MGAT5: variants seen among roughly 807,000 people sequenced by gnomAD.
The protein encoded by MGAT5 is alpha-1,6-mannosylglycoprotein 6-beta-N-acetylglucosaminyltransferase A.
In MGAT5, 30 loss-of-function variants were observed where a neutral mutation model predicts 94.3. The ratio of observed to expected loss-of-function variants is 0.32; its 90% CI spans 0.24 to 0.43. The LOEUF is 0.43. Ranked by LOEUF, MGAT5 falls within the 20% of genes least tolerant of loss-of-function variation. The pLI is 1.00. For synonymous variants in MGAT5, 310 were observed against 322.9 expected (o/e 0.96, Z 0.43); for missense variants, 691 against 905.5 (o/e 0.76, Z 3.04).
At chr2:134,402,841 T>C (rs1333706873) in intron 10 of MGAT5, 147 bp from the exon 11 acceptor site, 16 of 678,254 alleles carry the variant, frequency 2.4e-5, no homozygotes, top group Middle Eastern at 4.1e-4. Context: ...AAAGAAATTT[T>C]AGCAGTTTGA....
intron 1 of MGAT5, among the ~76,000 whole-genome samples, chr2:134,154,488 C>A (rs551903277): frequency 6.6e-6 from 1 of 152,194 alleles, no homozygotes; most frequent in African/African-American, 2.4e-5. Context: ...AGACCTGTCA[C>A]GGGAGACAAG....
chr2:134,306,511 G>A (rs561318381), intron 2 of MGAT5, among the ~76,000 whole-genome samples: 2 of 152,140 alleles, frequency 1.3e-5, no homozygotes, highest in Non-Finnish European at 2.9e-5. Context: ...ACAATAGGAC[G>A]AGTATATTGT....
At position 134,453,831 on chromosome 2, in the gene MGAT5, G is replaced by A. The variant is rs1325512903; in HGVS notation, c.*4984G>A. 1 of 152,148 alleles carries A rather than the reference G, an allele frequency of 6.6e-6. No homozygotes were observed. Among genetic ancestry groups the A allele is most frequent in the African/African-American group, 2.4e-5 (1 of 41,424 alleles). 9.4% of individuals were successfully genotyped at this position (152,148 alleles called of 1,614,324 possible). On this transcript the variant is annotated 3_prime_UTR_variant, in exon 16 of 16. Transcript: ENST00000281923. ...TGTTTTCCCAAATCACCTAAATATC[G>A]GTTTGCTTTTTGTTTTGGGGGAGAG...
intron 4 of MGAT5, among the ~76,000 whole-genome samples, chr2:134,331,618 A>C (rs916461924): frequency 5.3e-5 from 8 of 151,958 alleles, no homozygotes; most frequent in Non-Finnish European, 1.2e-4. Flanking sequence ...CGTTGACGGC[A>C]GGGGGTTGGT....
intron 10 of MGAT5, among the ~76,000 whole-genome samples, chr2:134,365,557 C>T (rs900721426): frequency 3.9e-5 from 6 of 152,124 alleles, no homozygotes; most frequent in African/African-American, 1.4e-4. Flanking sequence ...CCAATGTTGA[C>T]AGGGAGAGGG....
intron 1 of MGAT5, among the ~76,000 whole-genome samples, chr2:134,184,055 A>G (rs1359326102): frequency 6.6e-6 from 1 of 152,234 alleles, no homozygotes; most frequent in East Asian, 1.9e-4. Flanking sequence ...GTTTCTAGCC[A>G]TCGTCTCTAA....
Position 134,426,478 on chromosome 2 carries a change from G to C in MGAT5, c.1795-1887G>C, listed in dbSNP as rs190200876. Among the ~76,000 whole-genome samples, 249 of 152,248 alleles carry C rather than the reference G, an allele frequency of 1.6e-3. 2 individuals carry two copies. The highest frequency in any genetic ancestry group is 5.6e-3 in the African/African-American group (232 of 41,554). ...TCCCTTTGGAAATGTTGTTGGAATG[G>C]TGCTTGGGTACTCGGCGTGCTTCCT... On this transcript the variant is annotated intron_variant, in intron 13 of 15. Coordinates refer to ENST00000281923, the MANE Select transcript of MGAT5 (RefSeq NM_002410.5).
chr2:134,170,636 A>G (rs74935505), intron 1 of MGAT5, among the ~76,000 whole-genome samples: 1 of 152,342 alleles, frequency 6.6e-6, no homozygotes, highest in Non-Finnish European at 1.5e-5. Flanking sequence ...ATAAGTTAGT[A>G]TTAAGACAAC....
At chr2:134,179,346 T>G (rs73007488) in intron 1 of MGAT5, among the ~76,000 whole-genome samples, 4,925 of 152,258 alleles carry the variant, frequency 0.032, 282 homozygotes, top group African/African-American at 0.11. Context: ...GTAGTAGTGT[T>G]GGCTGTGATT....
At chr2:134,392,586 T>C (rs1352026211) in intron 10 of MGAT5, among the ~76,000 whole-genome samples, 1 of 152,204 alleles carries the variant, frequency 6.6e-6, no homozygotes, top group African/African-American at 2.4e-5. Flanking sequence ...TCTTGTGTTT[T>C]AAGTGGCCTG....
At chr2:134,375,236 G>T (rs116595834) in intron 10 of MGAT5, among the ~76,000 whole-genome samples, 1 of 152,206 alleles carries the variant, frequency 6.6e-6, no homozygotes, top group African/African-American at 2.4e-5. Flanking sequence ...TAGAGGTAAA[G>T]GTTCCTCAGG....
chr2:134,173,060 C>A (rs1188535752), intron 1 of MGAT5, among the ~76,000 whole-genome samples: 2 of 152,130 alleles, frequency 1.3e-5, no homozygotes, highest in African/African-American at 4.8e-5. Context: ...CTAGCTGTCA[C>A]CTTGAGAGTT....
At chr2:134,320,808 T>C (rs1486829769) in intron 4 of MGAT5, among the ~76,000 whole-genome samples, 1 of 152,206 alleles carries the variant, frequency 6.6e-6, no homozygotes, top group African/African-American at 2.4e-5. Context: ...GTATTGCTAA[T>C]AGGGCATGTG....
In MGAT5 at chr2:134,317,521, C is replaced by T. The variant is rs1245424180; in HGVS notation, c.407-8C>T. 2 of 1,546,930 alleles carry T rather than the reference C, an allele frequency of 1.3e-6. No individual in the cohort carries two copies. The highest frequency in any genetic ancestry group is 8.7e-7 in the Non-Finnish European group (1 of 1,146,732). ...ATTGTATCCTTTGTTGTTTTTCATT[C>T]TTCACAGATATCATTAACGGAGCTC... On this transcript the variant is annotated splice_region_variant and splice_polypyrimidine_tract_variant and intron_variant, in intron 2 of 15. Transcript: ENST00000281923.
chr2:134,348,818 A>G (rs1003819384), intron 8 of MGAT5, among the ~76,000 whole-genome samples: 2 of 152,224 alleles, frequency 1.3e-5, no homozygotes, highest in African/African-American at 2.4e-5. Context: ...ATCAAAATCA[A>G]TAAATTTTGT....
chr2:134,391,854 G>T (rs939211972), intron 10 of MGAT5, among the ~76,000 whole-genome samples: 1 of 152,204 alleles, frequency 6.6e-6, no homozygotes, highest in South Asian at 2.1e-4. Flanking sequence ...GATCCTTTGG[G>T]CCTCTCCAGG....
chr2:134,412,491 G>A (rs994679119), intron 11 of MGAT5, among the ~76,000 whole-genome samples: 1 of 151,840 alleles, frequency 6.6e-6, no homozygotes, highest in Non-Finnish European at 1.5e-5. Flanking sequence ...TTAAGCAAGT[G>A]TTTTTCCAGT....
chr2:134,217,303 G>A (rs1257373049), intron 1 of MGAT5, among the ~76,000 whole-genome samples: 1 of 150,176 alleles, frequency 6.7e-6, no homozygotes, highest in African/African-American at 2.5e-5. Context: ...GTAGCTGAAA[G>A]GAAGGAAATA....
chr2:134,318,562 C>A, intron 3 of MGAT5, 88 bp from the exon 4 acceptor site: 1 of 967,776 alleles, frequency 1.0e-6, no homozygotes, highest in Non-Finnish European at 1.6e-6. Flanking sequence ...CCATTCACTC[C>A]ATCTTCACCA....
Sources: allele counts gnomAD v4.1 joint callset (sites outside exome capture counted in the v4.1 genomes callset), GRCh38; gene constraint gnomAD v4.1.1; transcripts MANE v1.5; gene names NCBI Gene and HGNC (gene_info 2026-07-23, HGNC 2026-07-21).